The following UNC45A variants were observed in gnomAD, a reference collection of about 807,000 sequenced individuals.
UNC45A encodes protein unc-45 homolog A.
A neutral mutation model predicts 103.2 loss-of-function variants in UNC45A; 78 were observed. The ratio of observed to expected loss-of-function variants is 0.76; its 90% confidence interval spans 0.63 to 0.91. The LOEUF (loss-of-function observed/expected upper bound fraction) is 0.91. UNC45A is among the 40% of genes least tolerant of loss of function. UNC45A has a pLI of 0.00. For missense variants in UNC45A, 1,193 were observed against 1,224.8 expected (o/e 0.97, Z 0.39); for synonymous variants, 495 against 504.6 (o/e 0.98, Z 0.25).
At position 90,948,160 on chromosome 15, in the gene UNC45A, G is replaced by A. The variant is rs150629853; in HGVS notation, c.1614G>A (p.Gln538=). ...KQCRKWLCND[Q]IDAGTRRWAV... ...TCCCCAGGTGGCTGTGCAATGACCA[G>A]ATCGACGCAGGCACTCGGCGCTGGG... Residue 538 remains glutamine, a synonymous_variant, in exon 12 of 20, where the codon CAG becomes CAA. Transcript: ENST00000418476. 67 of 1,614,024 alleles carry A rather than the reference G, an allele frequency of 4.2e-5. No individual in the cohort carries two copies. The highest frequency in any genetic ancestry group is 8.0e-5 in the African/African-American group (6 of 74,936).
chr15:90,949,211 G>C, intron 13 of UNC45A, 105 bp from the exon 14 acceptor site: 1 of 1,475,848 alleles, frequency 6.8e-7, no homozygotes, highest in Non-Finnish European at 9.1e-7. Flanking sequence ...GTTTCCTTTT[G>C]TCTGGCTGTT....
At chr15:90,935,772 T>C (rs2035981690) in intron 2 of UNC45A, 67 bp downstream of exon 2, 1 of 1,520,000 alleles carries the variant, frequency 6.6e-7, no homozygotes, top group South Asian at 1.3e-5. Flanking sequence ...AGCTGATGCT[T>C]GGGCCCCAGC....
At position 90,935,315 on chromosome 15, in the gene UNC45A, C is replaced by A. The variant is rs1320553065; in HGVS notation, c.-10C>A. On this transcript the variant is annotated 5_prime_UTR_variant, in exon 1 of 20. Transcript: ENST00000418476. ...CTGCGCCTGCGCGGGCACGAGACAA[C>A]CTCTCCGCGATGACTGTGAGTGGTC... 2.5e-6 allele frequency: 4 copies of A among 1,602,334 alleles called. No individual in the cohort carries two copies. Among genetic ancestry groups the A allele is most frequent in the African/African-American group, 2.7e-5 (2 of 74,764 alleles).
In UNC45A at chr15:90,948,668, A is replaced by G; in HGVS notation, c.1752A>G (p.Ser584=). The change falls in exon 13 of 20, where the codon TCA becomes TCG. Residue 584 remains serine, a synonymous_variant. Transcript: ENST00000418476. ...TGTCCTGGCAGTTGGAGGAGAGGTCAGTGCTCTTTGCGGTGGCCTCAGCGC... is the reference window on the plus strand; with the variant it reads ...TGTCCTGGCAGTTGGAGGAGAGGTCGGTGCTCTTTGCGGTGGCCTCAGCGC... ...LFQLSRLEER[S]VLFAVASALV... is the part of the protein sequence containing the mutation. 1.2e-6 allele frequency: 2 copies of G among 1,614,038 alleles called. No individual in the cohort carries two copies. Among genetic ancestry groups the G allele is most frequent in the Non-Finnish European group, 1.7e-6 (2 of 1,179,942 alleles).
intron 2 of UNC45A, 61 bp downstream of exon 2, chr15:90,935,766 G>T (rs1045083214): frequency 1.3e-6 from 2 of 1,524,022 alleles, no homozygotes; most frequent in African/African-American, 2.8e-5. Flanking sequence ...CATCTAAGCT[G>T]ATGCTTGGGC....
chr15:90,949,579 T>C (rs1212328971), intron 14 of UNC45A, 75 bp from the exon 15 acceptor site: 22 of 1,605,400 alleles, frequency 1.4e-5, no homozygotes, highest in African/African-American at 4.0e-5. Context: ...CTGCCGTCTT[T>C]GCTGAGCCTA....
chr15:90,945,083 C>T lies in UNC45A; in HGVS notation c.1199+20C>T. 1 of 1,607,278 alleles carries T rather than the reference C, an allele frequency of 6.2e-7. No homozygotes were observed. The highest frequency in any genetic ancestry group is 1.7e-5 in the Admixed American group (1 of 59,178). On this transcript the variant is annotated intron_variant, in intron 9 of 19. Transcript: ENST00000418476. ...CATCAAGTAAGGAAGTCTGTTTCAC[C>T]TCCCGTTGCCAGGGATTCTAGCGAA...
intron 7 of UNC45A, 45 bp downstream of exon 7, chr15:90,942,650 G>T: frequency 1.9e-6 from 3 of 1,613,370 alleles, no homozygotes; most frequent in Non-Finnish European, 2.5e-6. Flanking sequence ...TACTGTCATG[G>T]AAGGGATGGG....
At chr15:90,950,781 G>A (rs917244812) in intron 17 of UNC45A, among the ~76,000 whole-genome samples, 166 bp downstream of exon 17, 2 of 152,180 alleles carry the variant, frequency 1.3e-5, no homozygotes, top group Non-Finnish European at 2.9e-5. Context: ...GAGGCAGCAC[G>A]GCACGGCAGA....
upstream of UNC45A, chr15:90,931,762 C>A: frequency 1.2e-6 from 2 of 1,614,124 alleles, no homozygotes; most frequent in Non-Finnish European, 1.7e-6. Context: ...CCAGCTTCAC[C>A]AGTTTGGCCC....
intron 19 of UNC45A, 62 bp from the exon 20 acceptor site, chr15:90,953,397 G>A (rs2037041562): frequency 6.2e-7 from 1 of 1,600,708 alleles, no homozygotes; most frequent in South Asian, 1.1e-5. Flanking sequence ...GTGTGTGGGT[G>A]TGTCCCTTGC....
At chr15:90,935,044 C>G, upstream of UNC45A, 1 of 567,066 alleles carries the variant, frequency 1.8e-6, no homozygotes, top group Non-Finnish European at 3.1e-6. Context: ...GGGCCGGAGT[C>G]TGGGCTGGAG....
At position 90,953,682 on chromosome 15, in the gene UNC45A, A is replaced by G. The variant is rs757594554; in HGVS notation, c.2801A>G (p.Tyr934Cys). 3 of 1,614,066 alleles carry G rather than the reference A, an allele frequency of 1.9e-6. No individual in the cohort carries two copies. Among genetic ancestry groups the G allele is most frequent in the Non-Finnish European group, 2.5e-6 (3 of 1,180,016 alleles). ...AAACLDKAVEYGLIQPNQDGE is the reference protein window; with the variant it reads ...AAACLDKAVECGLIQPNQDGE ...GCCTGCCTGGACAAAGCAGTGGAAT[A>G]TGGGCTTATCCAACCCAACCAAGAT... The change falls in exon 20 of 20, where the codon TAT (tyrosine) becomes TGT (cysteine). Residue 934 changes from tyrosine (Y) to cysteine (C), a missense_variant. Tyr to Cys is a radical substitution (Grantham distance 194). Transcript: ENST00000418476.
Position 90,936,334 on chromosome 15 carries a change from A to G in UNC45A, c.300A>G (p.Gln100=), listed in dbSNP as rs1197367582. 1 of 1,614,170 alleles carries G rather than the reference A, an allele frequency of 6.2e-7. No individual in the cohort carries two copies. Among genetic ancestry groups the G allele is most frequent in the Admixed American group, 1.7e-5 (1 of 60,002 alleles). The part of the protein sequence containing the change: ...GDVKALYRRS[Q]ALEKLGRLDQ... ...TCAAAGCACTCTACCGGCGGAGCCAAGCCCTAGAGAAGCTGGGCCGCCTGG... is the reference window on the plus strand; with the variant it reads ...TCAAAGCACTCTACCGGCGGAGCCAGGCCCTAGAGAAGCTGGGCCGCCTGG... The change falls in exon 4 of 20, where the codon CAA becomes CAG. Residue 100 remains glutamine (Q), a synonymous_variant. Transcript: ENST00000418476.
rs1186103269 is a variant in UNC45A at position 90,949,416 on chromosome 15, C to T, written c.1979C>T (p.Thr660Ile). ...GTGAAGACGGAGAGCCCTGTGCTGA[C>T]CAGTTCCTGCAGAGAGCTGCTCTCC... ...CMVKTESPVL[T>I]SSCRELLSRV... Residue 660 changes from threonine to isoleucine, a missense_variant, in exon 14 of 20, where the codon ACC (threonine) becomes ATC (isoleucine). By Grantham distance (89) the Thr-to-Ile change is moderately conservative. Transcript: ENST00000418476. 1.2e-6 allele frequency: 2 copies of T among 1,613,814 alleles called. No individual in the cohort carries two copies. The highest frequency in any genetic ancestry group is 1.7e-5 in the Admixed American group (1 of 60,014).
In UNC45A at chr15:90,946,794, T is replaced by C. The variant is rs2036594753; in HGVS notation, c.1380T>C (p.Ala460=). The change falls in exon 10 of 20, where the codon GCT becomes GCC. Residue 460 remains alanine, a synonymous_variant. Coordinates refer to ENST00000418476, the MANE Select transcript of UNC45A (RefSeq NM_018671.5). ...QEEEQLVAVE[A]LIHAAGKAKR... ...AGGAGCAGCTGGTGGCCGTGGAGGCTCTGATCCATGCAGCCGGCAAGGCTA... is the reference window on the plus strand; with the variant it reads ...AGGAGCAGCTGGTGGCCGTGGAGGCCCTGATCCATGCAGCCGGCAAGGCTA... 1 of 1,614,194 alleles carries C rather than the reference T, an allele frequency of 6.2e-7. No individual in the cohort carries two copies. Among genetic ancestry groups the C allele is most frequent in the Non-Finnish European group, 8.5e-7 (1 of 1,180,032 alleles).
In UNC45A at chr15:90,940,349, C is replaced by G; in HGVS notation, c.563C>G (p.Ala188Gly). Reference protein sequence around the residue: ...LVVLAREDAGAEKIFRSNGVQ... With the variant: ...LVVLAREDAGGEKIFRSNGVQ... ...GTGCTGGCCAGGGAGGATGCTGGAGCGGAGAAGATCTTCCGGAGTAATGGG... is the reference window on the plus strand; with the variant it reads ...GTGCTGGCCAGGGAGGATGCTGGAGGGGAGAAGATCTTCCGGAGTAATGGG... Residue 188 changes from alanine to glycine, a missense_variant, in exon 6 of 20, where the codon GCG (alanine) becomes GGG (glycine). Ala to Gly is a moderately conservative substitution (Grantham distance 60, BLOSUM62 0). Coordinates refer to ENST00000418476, the MANE Select transcript of UNC45A (RefSeq NM_018671.5). 6.2e-7 allele frequency: 1 copy of G among 1,614,018 alleles called. No homozygotes were observed. Among genetic ancestry groups the G allele is most frequent in the Non-Finnish European group, 8.5e-7 (1 of 1,179,944 alleles).
chr15:90,937,951 G>A (rs1256200356), intron 4 of UNC45A, among the ~76,000 whole-genome samples: 1 of 151,810 alleles, frequency 6.6e-6, no homozygotes, highest in Non-Finnish European at 1.5e-5. Flanking sequence ...ATGTCACCAC[G>A]CTCGCCTAAT....
chr15:90,944,893 T>C lies in UNC45A; in HGVS notation c.1029T>C (p.Gly343=). 6.2e-7 allele frequency: 1 copy of C among 1,611,900 alleles called. No individual in the cohort carries two copies. Among genetic ancestry groups the C allele is most frequent in the Non-Finnish European group, 8.5e-7 (1 of 1,179,828 alleles). ...TGTCTAAGCGGGGTGTCTTTACAGG[T>C]CTGAAAAAGATTTTGGAAGTGGGGG... ...NSLTLWVIDQ[G]LKKILEVGGS... is the part of the protein sequence containing the mutation. Residue 343 remains glycine (G), a splice_region_variant and synonymous_variant, in exon 9 of 20, where the codon GGT becomes GGC. Transcript: ENST00000418476.
Sources: gnomAD v4.1 joint callset for allele counts (sites outside exome capture counted in the v4.1 genomes callset) on GRCh38, gnomAD v4.1.1 for gene constraint, MANE v1.5 for transcripts, NCBI Gene and HGNC (gene_info 2026-07-23, HGNC 2026-07-21) for gene names.